Variants in SLC28A1 observed in about 807,000 individuals in gnomAD.
The protein encoded by SLC28A1 is solute carrier family 28 member 1.
A neutral mutation model predicts 74.8 loss-of-function variants in SLC28A1; 64 were observed. The observed-to-expected ratio is 0.86, with a 90% CI of 0.70 to 1.05. The LOEUF is 1.05. SLC28A1 is among the 50% of genes least tolerant of loss of function. The pLI, the probability that SLC28A1 is intolerant of heterozygous loss-of-function variation, is 0.00. For synonymous variants in SLC28A1, 359 were observed against 335.0 expected (o/e 1.07, Z -0.78); for missense variants, 828 against 822.8 (o/e 1.01, Z -0.08).
At chr15:84,960,621 AAG>A in the SLC28A1 span, among the ~76,000 whole-genome samples, 1 of 152,192 alleles carries the variant, frequency 6.6e-6, no homozygotes, top group Non-Finnish European at 1.5e-5. Flanking sequence ...TCAGAGAAGA[AAG>A]AGCCACCTGG....
rs2290272 is a variant in SLC28A1 at position 84,904,200 on chromosome 15, G to A, written c.565G>A (p.Val189Ile). The change falls in exon 7 of 19, where the codon GTC (valine) becomes ATC (isoleucine). Residue 189 changes from valine to isoleucine, a missense_variant. By Grantham distance (29) the Val-to-Ile change is conservative. Around this residue, in one of 3 missense-constraint regions of SLC28A1, gnomAD observed 767 missense variants for 753.5 expected, o/e 1.02. Transcript: ENST00000394573. ...LVSFAGICVF[V>I]ALLFACSKHH... ...GTCCTTCGCAGGAATCTGCGTGTTC[G>A]TCGCTCTCCTCTTTGCCTGCTCAAA... 0.38 allele frequency: 607,827 copies of A among 1,613,866 alleles called. 118,329 individuals are homozygous for A. The highest frequency in any genetic ancestry group is 0.54 in the Admixed American group (32,415 of 60,016).
At chr15:84,946,753 C>T (rs1428189556), downstream of SLC28A1, among the ~76,000 whole-genome samples, 1 of 152,172 alleles carries the variant, frequency 6.6e-6, no homozygotes, top group Non-Finnish European at 1.5e-5. Flanking sequence ...CCCAAGCCCT[C>T]TGTGCCACTA....
At chr15:84,973,939 G>T in the SLC28A1 span, among the ~76,000 whole-genome samples, 3 of 152,176 alleles carry the variant, frequency 2.0e-5, no homozygotes, top group Non-Finnish European at 4.4e-5. Flanking sequence ...TTCTCTTCAA[G>T]CAGGCTTGGG....
Position 84,945,545 on chromosome 15 carries a change from C to T in SLC28A1, c.*345C>T. 2.7e-6 allele frequency: 1 copy of T among 369,450 alleles called. No homozygotes were observed. The allele number at this position is 369,450 out of a possible 1,614,324, so 22.9% of individuals were successfully genotyped here. On this transcript the variant is annotated 3_prime_UTR_variant, in exon 19 of 19. Transcript: ENST00000394573. ...TCCTGGGGTCCCTCACATGCCCCTT[C>T]CCTTCTGTTGTGGGCTGCACACCAA... is the stretch of plus-strand genomic sequence containing the variant.
At chr15:84,964,641 C>T in the SLC28A1 span, among the ~76,000 whole-genome samples, 2 of 152,200 alleles carry the variant, frequency 1.3e-5, no homozygotes. Context: ...CTCTTGCCAC[C>T]TCTCTGCTCT....
At chr15:84,947,694 G>C (rs1352075455), downstream of SLC28A1, among the ~76,000 whole-genome samples, 1 of 152,186 alleles carries the variant, frequency 6.6e-6, no homozygotes, top group African/African-American at 2.4e-5. Flanking sequence ...GGCAGAAGAG[G>C]CTAATGAGAT....
downstream of SLC28A1, among the ~76,000 whole-genome samples, chr15:84,948,785 TTCA>T (rs1486691522): frequency 2.0e-5 from 3 of 152,174 alleles, no homozygotes; most frequent in Admixed American, 2.0e-4. Flanking sequence ...CAAGCAGTCA[TTCA>T]TCATTTGCTT....
intron 15 of SLC28A1, among the ~76,000 whole-genome samples, chr15:84,937,146 T>G (rs574609229): frequency 1.3e-5 from 2 of 152,178 alleles, no homozygotes; most frequent in African/African-American, 4.8e-5. Flanking sequence ...TTTTGTTTTT[T>G]TTTTTACTTA....
rs781049274 is a variant in SLC28A1, at chr15:84,924,114, G to C, written c.1083+4G>C. 15 of 1,612,308 alleles carry C rather than the reference G, an allele frequency of 9.3e-6. No homozygotes were observed. Among genetic ancestry groups the C allele is most frequent in the Admixed American group, 3.3e-5 (2 of 59,940 alleles). ...GGGTGCCTACATCTCCTTTGGGGTAGGTAGAGCCCTCCTTCTGCTTGGCTA... is the reference window on the plus strand; with the variant it reads ...GGGTGCCTACATCTCCTTTGGGGTACGTAGAGCCCTCCTTCTGCTTGGCTA... On this transcript the variant is annotated splice_donor_region_variant and intron_variant, in intron 12 of 18. Coordinates refer to ENST00000394573, the MANE Select transcript of SLC28A1 (RefSeq NM_004213.5).
intron 9 of SLC28A1, among the ~76,000 whole-genome samples, chr15:84,909,301 G>A (rs1269180085): frequency 6.6e-6 from 1 of 152,110 alleles, no homozygotes; most frequent in East Asian, 1.9e-4. Context: ...TCCCTCCTTT[G>A]TGACCTCCTC....
Position 84,935,050 on chromosome 15 carries a change from A to C in SLC28A1, c.1239A>C (p.Ala413=). The change falls in exon 14 of 19, where the codon GCA becomes GCC. Residue 413 remains alanine (A), a synonymous_variant. Transcript: ENST00000394573. The part of the protein sequence containing the change: ...TYGDAQNLIE[A]ASTGAAISVK... Reference sequence around the variant, plus strand: ...GAGATGCTCAGAACCTCATAGAAGCAGCCAGCACTGGGGCCGCCATCTCCG... The same window carrying C: ...GAGATGCTCAGAACCTCATAGAAGCCGCCAGCACTGGGGCCGCCATCTCCG... The C allele has an allele frequency of 6.2e-7, 1 of 1,614,118 alleles. No individual in the cohort carries two copies. Among genetic ancestry groups the C allele is most frequent in the Non-Finnish European group, 8.5e-7 (1 of 1,179,948 alleles).
chr15:84,926,052 TTTTA>T (rs1419707828), intron 12 of SLC28A1, among the ~76,000 whole-genome samples: 2 of 147,394 alleles, frequency 1.4e-5, no homozygotes, highest in African/African-American at 2.5e-5. Context: ...TATTTTGTTT[TTTTA>T]TTTTATTCTA....
downstream of SLC28A1, among the ~76,000 whole-genome samples, chr15:84,948,888 A>C (rs779083997): frequency 3.3e-5 from 5 of 152,162 alleles, no homozygotes; most frequent in Non-Finnish European, 7.3e-5. Context: ...TTGATTTTGC[A>C]TCAAAAAGTG....
At chr15:84,890,398 G>A (rs1174187528) in intron 4 of SLC28A1, 45 bp from the exon 5 acceptor site, 1 of 1,389,680 alleles carries the variant, frequency 7.2e-7, no homozygotes, top group Non-Finnish European at 1.0e-6. Flanking sequence ...TCCCCCAGAT[G>A]GGGTCTGCTC....
At chr15:84,889,188 G>A (rs1352637552) in intron 4 of SLC28A1, among the ~76,000 whole-genome samples, 5 of 152,088 alleles carry the variant, frequency 3.3e-5, no homozygotes, top group South Asian at 4.1e-4. Flanking sequence ...GGGGTACCTC[G>A]GGGAGTCTGA....
intron 1 of SLC28A1, 33 bp downstream of exon 1, chr15:84,884,784 G>A: frequency 2.0e-6 from 2 of 975,840 alleles, no homozygotes; most frequent in Non-Finnish European, 2.4e-6. Context: ...GAGGAGGGAA[G>A]GCGGGACTGA....
the SLC28A1 span, among the ~76,000 whole-genome samples, chr15:84,969,498 G>A: frequency 6.7e-6 from 1 of 150,018 alleles, no homozygotes; most frequent in Non-Finnish European, 1.5e-5. Flanking sequence ...TGCCAGGTCT[G>A]GTAATTATGT....
intron 5 of SLC28A1, 131 bp downstream of exon 5, chr15:84,890,665 C>T (rs1401110044): frequency 2.0e-5 from 15 of 767,742 alleles, no homozygotes; most frequent in African/African-American, 1.7e-4. Context: ...GGTCCAGCTC[C>T]CTTGCTGGGT....
the SLC28A1 span, among the ~76,000 whole-genome samples, chr15:84,969,755 T>C: frequency 6.6e-6 from 1 of 152,146 alleles, no homozygotes; most frequent in African/African-American, 2.4e-5. Context: ...TCTCCATCGC[T>C]ATGTAAAGGG....
Sources: allele counts gnomAD v4.1 joint callset (sites outside exome capture counted in the v4.1 genomes callset), GRCh38; gene constraint gnomAD v4.1.1; regional missense constraint gnomAD v4.1.1; transcripts MANE v1.5; gene names NCBI Gene and HGNC (gene_info 2026-07-23, HGNC 2026-07-21).